GLRA3: variants seen among roughly 807,000 people sequenced by gnomAD.
The protein encoded by GLRA3 is glycine receptor alpha 3.
In GLRA3, 44 loss-of-function variants were observed where a neutral mutation model predicts 60.4. The ratio of observed to expected loss-of-function variants is 0.73; its 90% confidence interval spans 0.57 to 0.94. GLRA3 has a LOEUF of 0.94. Among genes scored for constraint, GLRA3 ranks in the 40% least tolerant of loss-of-function variants. The probability of loss-of-function intolerance (pLI) is 0.00; values close to 1 mark genes in which losing one functional copy is unlikely to be tolerated. For missense variants in GLRA3, 508 were observed against 564.6 expected, an observed-to-expected ratio of 0.90 and a Z score of 1.02; for synonymous variants, 223 against 192.9, an observed-to-expected ratio of 1.16 and a Z score of -1.29.
chr4:174,702,612 G>T (rs1735364316), intron 5 of GLRA3, among the ~76,000 whole-genome samples: 1 of 152,152 alleles, frequency 6.6e-6, no homozygotes. Flanking sequence ...CTGTTGCCCA[G>T]GCTGGGGTGC....
chr4:174,656,807 A>T lies in GLRA3; in HGVS notation c.1072-20T>A. 6.7e-7 allele frequency: 1 copy of T among 1,494,786 alleles called. No individual in the cohort carries two copies. The highest frequency in any genetic ancestry group is 9.3e-7 in the Non-Finnish European group (1 of 1,071,698). 92.6% of individuals were successfully genotyped at this position (1,494,786 alleles called of 1,614,324 possible). On this transcript the variant is annotated intron_variant, in intron 8 of 9. Transcript: ENST00000274093. Reference sequence around the variant, plus strand: ...TTCTGTCTGTGGGAAGGTAAAGTGGACCAAGAGGAATTGAGAAACCAGAGA... The same window carrying T: ...TTCTGTCTGTGGGAAGGTAAAGTGGTCCAAGAGGAATTGAGAAACCAGAGA...
chr4:174,735,298 C>G (rs1461142765), intron 3 of GLRA3, among the ~76,000 whole-genome samples: 1 of 152,154 alleles, frequency 6.6e-6, no homozygotes, highest in Admixed American at 6.5e-5. Flanking sequence ...CACTTCTCAG[C>G]TCCTAAACTC....
chr4:174,779,887 C>T (rs1242160022), intron 2 of GLRA3, among the ~76,000 whole-genome samples: 3 of 152,060 alleles, frequency 2.0e-5, no homozygotes, highest in African/African-American at 7.3e-5. Flanking sequence ...GGAAAACACT[C>T]TGCAAGATAT....
chr4:174,769,556 C>A (rs1326774614), intron 2 of GLRA3, among the ~76,000 whole-genome samples: 2 of 152,112 alleles, frequency 1.3e-5, no homozygotes, highest in Admixed American at 1.3e-4. Context: ...TCTCTATGAA[C>A]TTTACCTTCC....
At chr4:174,827,141 A>C (rs1174103213) in intron 1 of GLRA3, among the ~76,000 whole-genome samples, 5 of 152,082 alleles carry the variant, frequency 3.3e-5, no homozygotes, top group African/African-American at 1.2e-4. Flanking sequence ...ATTTATTTCT[A>C]ATTAAAATTA....
intron 2 of GLRA3, among the ~76,000 whole-genome samples, chr4:174,785,626 T>C (rs1435118672): frequency 1.3e-5 from 2 of 152,204 alleles, no homozygotes; most frequent in African/African-American, 4.8e-5. Context: ...AGATAGGTAT[T>C]TTCCAATGCT....
chr4:174,773,281 A>C (rs1400621446), intron 2 of GLRA3, among the ~76,000 whole-genome samples: 2 of 151,634 alleles, frequency 1.3e-5, no homozygotes, highest in Non-Finnish European at 2.9e-5. Flanking sequence ...CAGTAGTTGC[A>C]GATGTTTTCA....
chr4:174,773,769 T>C (rs897128710), intron 2 of GLRA3, among the ~76,000 whole-genome samples: 6 of 152,186 alleles, frequency 3.9e-5, no homozygotes, highest in Admixed American at 1.3e-4. Context: ...CTGTTTGTTC[T>C]TCCCCTTTCT....
chr4:174,788,590 T>TAAAAAAAAAAAA (rs35640897), intron 2 of GLRA3, among the ~76,000 whole-genome samples: 8 of 87,868 alleles, frequency 9.1e-5, no homozygotes, highest in Admixed American at 4.1e-4. Flanking sequence ...GTTAGAGAAG[T>TAAAAAAAAAAAA]AAAAAAAAAA....
intron 3 of GLRA3, among the ~76,000 whole-genome samples, chr4:174,744,568 C>A (rs1346829279): frequency 6.6e-6 from 1 of 152,198 alleles, no homozygotes; most frequent in Non-Finnish European, 1.5e-5. Flanking sequence ...TCAAGTAAAT[C>A]ATACAAAGAT....
At chr4:174,723,276 ATCT>A (rs1376021964) in intron 4 of GLRA3, among the ~76,000 whole-genome samples, 1 of 152,142 alleles carries the variant, frequency 6.6e-6, no homozygotes, top group African/African-American at 2.4e-5. Context: ...TCATCTTGAA[ATCT>A]TCTTAATAAC....
chr4:174,702,486 T>C (rs1288161102), intron 5 of GLRA3, among the ~76,000 whole-genome samples: 1 of 152,190 alleles, frequency 6.6e-6, no homozygotes, highest in Non-Finnish European at 1.5e-5. Context: ...TATTCAAATA[T>C]ATTCCCTCAG....
chr4:174,680,326 A>G (rs1041717058), intron 6 of GLRA3, among the ~76,000 whole-genome samples: 6 of 152,180 alleles, frequency 3.9e-5, no homozygotes, highest in Non-Finnish European at 1.5e-5. Flanking sequence ...AGACCCCAGA[A>G]ATACAGTGAT....
intron 6 of GLRA3, among the ~76,000 whole-genome samples, chr4:174,679,922 A>C (rs879524954): frequency 2.6e-5 from 4 of 152,212 alleles, no homozygotes; most frequent in Non-Finnish European, 5.9e-5. Flanking sequence ...AATAAATTCT[A>C]GTGTTCAATA....
At chr4:174,665,295 C>G (rs1733622890) in intron 7 of GLRA3, among the ~76,000 whole-genome samples, 1 of 145,682 alleles carries the variant, frequency 6.9e-6, no homozygotes, top group Non-Finnish European at 1.5e-5. Flanking sequence ...CTTTGGGTAA[C>G]TACTGTTCAT....
intron 2 of GLRA3, among the ~76,000 whole-genome samples, chr4:174,772,856 C>T (rs1402365579): frequency 6.6e-6 from 1 of 152,068 alleles, no homozygotes; most frequent in Non-Finnish European, 1.5e-5. Flanking sequence ...CAGAATGGAC[C>T]TGACCCCGAA....
intron 2 of GLRA3, among the ~76,000 whole-genome samples, chr4:174,769,927 T>A (rs1335792034): frequency 6.6e-6 from 1 of 152,162 alleles, no homozygotes; most frequent in Non-Finnish European, 1.5e-5. Context: ...TTTTCAGCAT[T>A]GCCATTGAAA....
intron 5 of GLRA3, among the ~76,000 whole-genome samples, chr4:174,708,328 A>G (rs1185446666): frequency 6.6e-6 from 1 of 152,106 alleles, no homozygotes; most frequent in African/African-American, 2.4e-5. Context: ...CTGAGAAATT[A>G]AATCATAAAA....
chr4:174,781,735 G>A (rs1482342051), intron 2 of GLRA3, among the ~76,000 whole-genome samples: 11 of 150,696 alleles, frequency 7.3e-5, no homozygotes, highest in African/African-American at 2.2e-4. Flanking sequence ...TAAATTCCTC[G>A]ACACATACAC....
Sources: gnomAD v4.1 joint callset for allele counts (sites outside exome capture counted in the v4.1 genomes callset) on GRCh38, gnomAD v4.1.1 for gene constraint, MANE v1.5 for transcripts, NCBI Gene and HGNC (gene_info 2026-07-23, HGNC 2026-07-21) for gene names.